Variants in CHCHD6 observed in about 807,000 individuals in gnomAD.
The protein encoded by CHCHD6 is MICOS complex subunit MIC25.
In CHCHD6, 28 loss-of-function variants were observed where a neutral mutation model predicts 32.3. The observed-to-expected ratio is 0.87, with a 90% confidence interval of 0.64 to 1.19. The LOEUF (loss-of-function observed/expected upper bound fraction) is 1.19, where lower values mean the gene tolerates loss of function less well. CHCHD6 is among the 50% of genes most tolerant of loss of function. CHCHD6 has a pLI of 0.00. For missense variants in CHCHD6, 333 were observed against 307.0 expected (o/e 1.08, Z -0.63); for synonymous variants, 122 against 117.5 (o/e 1.04, Z -0.25).
chr3:126,912,673 C>T (rs940408246), intron 5 of CHCHD6, among the ~76,000 whole-genome samples: 5 of 152,232 alleles, frequency 3.3e-5, no homozygotes, highest in African/African-American at 1.2e-4. Flanking sequence ...ACTCCCCCGG[C>T]CCAGCCCAGG....
chr3:126,790,788 G>C (rs1387554115), intron 4 of CHCHD6, among the ~76,000 whole-genome samples: 1 of 152,182 alleles, frequency 6.6e-6, no homozygotes, highest in East Asian at 1.9e-4. Flanking sequence ...TTAGCTCAGA[G>C]AAGTTTGATT....
intron 3 of CHCHD6, among the ~76,000 whole-genome samples, chr3:126,732,449 A>T (rs1245762660): frequency 2.0e-5 from 3 of 152,188 alleles, no homozygotes; most frequent in African/African-American, 4.8e-5. Context: ...TTTAGATTCA[A>T]CCTACAGACA....
intron 5 of CHCHD6, among the ~76,000 whole-genome samples, chr3:126,898,501 G>A (rs1464342618): frequency 1.3e-5 from 2 of 152,056 alleles, no homozygotes; most frequent in Non-Finnish European, 2.9e-5. Flanking sequence ...AAGCATTGGT[G>A]GTGAATTTAT....
At chr3:126,781,040 AC>A (rs1937915679) in intron 4 of CHCHD6, among the ~76,000 whole-genome samples, 1 of 152,176 alleles carries the variant, frequency 6.6e-6, no homozygotes, top group East Asian at 1.9e-4. Flanking sequence ...ACCATCTCAG[AC>A]CCACCACTGT....
intron 4 of CHCHD6, among the ~76,000 whole-genome samples, chr3:126,829,539 A>G (rs1272147087): frequency 6.6e-6 from 1 of 151,886 alleles, no homozygotes; most frequent in African/African-American, 2.4e-5. Context: ...TGTCCTGACA[A>G]AATTCGTATG....
At chr3:126,722,212 G>T (rs1935337079) in intron 1 of CHCHD6, among the ~76,000 whole-genome samples, 1 of 152,216 alleles carries the variant, frequency 6.6e-6, no homozygotes. Context: ...CTGGAGTGCA[G>T]TGGCACAGTC....
chr3:126,787,203 T>C lies in CHCHD6; in HGVS notation c.411+53981T>C, dbSNP rs1938260319. Among the ~76,000 whole-genome samples, 6 of 152,362 alleles carry C rather than the reference T, an allele frequency of 3.9e-5. No homozygotes were observed. In the South Asian group the frequency reaches 1.2e-3, roughly 32 times the overall value. ...GTCTGTATCTCTGTTTTGTTACCAG[T>C]ACCATGCTGTTTTGGTTACTGTAGC... is the stretch of plus-strand genomic sequence containing the variant. On this transcript the variant is annotated intron_variant, in intron 4 of 7. Coordinates refer to ENST00000290913, the MANE Select transcript of CHCHD6 (RefSeq NM_032343.3).
At chr3:126,954,097 G>C (rs1212042850) in intron 6 of CHCHD6, among the ~76,000 whole-genome samples, 2 of 152,194 alleles carry the variant, frequency 1.3e-5, no homozygotes, top group Non-Finnish European at 2.9e-5. Flanking sequence ...GTGGACAAAT[G>C]GGTGAAATTT....
At chr3:126,743,020 G>A (rs1321152213) in intron 4 of CHCHD6, among the ~76,000 whole-genome samples, 1 of 152,130 alleles carries the variant, frequency 6.6e-6, no homozygotes, top group Non-Finnish European at 1.5e-5. Flanking sequence ...CTGGGGGAGG[G>A]TGTTCATCAG....
At chr3:126,771,937 T>C (rs1937549797) in intron 4 of CHCHD6, among the ~76,000 whole-genome samples, 1 of 152,180 alleles carries the variant, frequency 6.6e-6, no homozygotes. Flanking sequence ...TATGAAGTTG[T>C]TTTTGGGTGG....
chr3:126,889,978 G>A (rs1365544414), intron 5 of CHCHD6, among the ~76,000 whole-genome samples: 4 of 121,602 alleles, frequency 3.3e-5, no homozygotes, highest in Admixed American at 1.6e-4. Flanking sequence ...AGCTGACAGC[G>A]TTGACGGGCT....
Position 126,829,198 on chromosome 3 carries a change from T to C in CHCHD6, c.412-23449T>C, listed in dbSNP as rs140047755. 1.1e-3 allele frequency among the ~76,000 whole-genome samples: 165 copies of C among 152,258 alleles called. 1 individual carries two copies. Among genetic ancestry groups the C allele is most frequent in the Admixed American group, 7.3e-3 (111 of 15,290 alleles). ...ATGTAGTTCAGTGATCAGCCAGAGATTAGGGCAGAGTTTCTATGCAGGTTG... is the reference window on the plus strand; with the variant it reads ...ATGTAGTTCAGTGATCAGCCAGAGACTAGGGCAGAGTTTCTATGCAGGTTG... On this transcript the variant is annotated intron_variant, in intron 4 of 7. Transcript: ENST00000290913.
At chr3:126,834,074 A>G (rs1442218440) in intron 4 of CHCHD6, among the ~76,000 whole-genome samples, 1 of 151,258 alleles carries the variant, frequency 6.6e-6, no homozygotes, top group African/African-American at 2.4e-5. Flanking sequence ...AAAAAAAAAA[A>G]AAAAGAATTA....
chr3:126,734,984 G>A (rs544618520), intron 4 of CHCHD6, among the ~76,000 whole-genome samples: 30 of 152,316 alleles, frequency 2.0e-4, no homozygotes, highest in Admixed American at 1.5e-3. Context: ...GCATCCTGGT[G>A]AGGAATCGGT....
intron 5 of CHCHD6, among the ~76,000 whole-genome samples, chr3:126,911,450 A>G (rs1234196517): frequency 6.6e-6 from 1 of 152,226 alleles, no homozygotes; most frequent in Non-Finnish European, 1.5e-5. Context: ...CCAGCTTGGT[A>G]TTCCCAAGTT....
At chr3:126,830,419 C>A (rs1398691108) in intron 4 of CHCHD6, among the ~76,000 whole-genome samples, 1 of 152,210 alleles carries the variant, frequency 6.6e-6, no homozygotes, top group Non-Finnish European at 1.5e-5. Context: ...AGCTGCCATG[C>A]ACCCTGCATG....
intron 4 of CHCHD6, among the ~76,000 whole-genome samples, chr3:126,793,533 G>C (rs1247644798): frequency 6.6e-6 from 1 of 152,024 alleles, no homozygotes; most frequent in Non-Finnish European, 1.5e-5. Flanking sequence ...ATATGGGGTT[G>C]TCTTAAATAT....
At position 126,795,806 on chromosome 3, in the gene CHCHD6, C is replaced by T. The variant is rs143882973; in HGVS notation, c.412-56841C>T. Among the ~76,000 whole-genome samples the T allele has an allele frequency of 1.1e-3, 166 of 152,242 alleles. 2 individuals are homozygous for T. The East Asian group carries it at 0.031, about 29-fold the overall frequency. ...TCCTGACCTTCAGTCCCCTCTTTTC[C>T]ATCACCTAGAGAGAACATTCTTGAG... On this transcript the variant is annotated intron_variant, in intron 4 of 7. Transcript: ENST00000290913.
intron 5 of CHCHD6, among the ~76,000 whole-genome samples, chr3:126,876,104 C>T (rs1311602344): frequency 6.6e-6 from 1 of 152,238 alleles, no homozygotes; most frequent in Non-Finnish European, 1.5e-5. Context: ...ATAATACTTA[C>T]TCTGAGCACT....
Sources: allele counts gnomAD v4.1 joint callset (sites outside exome capture counted in the v4.1 genomes callset), GRCh38; gene constraint gnomAD v4.1.1; transcripts MANE v1.5; gene names NCBI Gene and HGNC (gene_info 2026-07-23, HGNC 2026-07-21).